Variants in PIK3CD observed in about 807,000 individuals in gnomAD.
The protein encoded by PIK3CD is phosphatidylinositol 4,5-bisphosphate 3-kinase catalytic subunit delta isoform.
In PIK3CD, 20 loss-of-function variants were observed where a neutral mutation model predicts 122.9. That is an observed-to-expected ratio of 0.16 (90% CI 0.11 to 0.24). The LOEUF (loss-of-function observed/expected upper bound fraction) is 0.24, where lower values mean the gene tolerates loss of function less well. Among genes scored for constraint, PIK3CD ranks in the 10% least tolerant of loss-of-function variants. The pLI, the probability that PIK3CD is intolerant of heterozygous loss-of-function variation, is 1.00. For synonymous variants in PIK3CD, 596 were observed against 593.4 expected, an observed-to-expected ratio of 1.00 and a Z score of -0.06; for missense variants, 787 against 1,406.3, an observed-to-expected ratio of 0.56 and a Z score of 7.04.
rs1644685618 is a variant in PIK3CD at position 9,651,987 on chromosome 1, G to A, written c.-138+185G>A. 2.6e-5 allele frequency among the ~76,000 whole-genome samples: 4 copies of A among 151,808 alleles called. No individual in the cohort carries two copies. In the South Asian group the frequency reaches 8.3e-4, roughly 31 times the overall value. ...TAGCGAGCCGGGTCCTGGGAGCCCC[G>A]GGGGCCGGGCTGCTGGGACCTGGGC... On this transcript the variant is annotated intron_variant, in intron 1 of 23. Transcript: ENST00000377346.
At chr1:9,676,065 G>T (rs1040864389) in intron 1 of PIK3CD, among the ~76,000 whole-genome samples, 1 of 151,576 alleles carries the variant, frequency 6.6e-6, no homozygotes, top group African/African-American at 2.4e-5. Context: ...CCGAATAGCT[G>T]GGATTGCAGG....
intron 1 of PIK3CD, among the ~76,000 whole-genome samples, chr1:9,660,428 C>CT (rs530924400): frequency 1.0e-3 from 154 of 152,246 alleles, no homozygotes; most frequent in Middle Eastern, 6.8e-3. Context: ...TTGTAGTTTG[C>CT]TTTTTTTCAC....
intron 1 of PIK3CD, among the ~76,000 whole-genome samples, chr1:9,688,810 AG>A (rs958746627): frequency 2.2e-4 from 34 of 152,134 alleles, no homozygotes; most frequent in African/African-American, 8.2e-4. Flanking sequence ...CCAGGGCAAC[AG>A]AGCAAGACCC....
the PIK3CD span, among the ~76,000 whole-genome samples, chr1:9,632,291 C>T: frequency 5.9e-5 from 9 of 152,296 alleles, no homozygotes; most frequent in East Asian, 1.4e-3. Flanking sequence ...GGATTGCAGG[C>T]GTGAGCCACC....
chr1:9,691,392 G>T, intron 1 of PIK3CD, 75 bp from the exon 2 acceptor site: 1 of 396,410 alleles, frequency 2.5e-6, no homozygotes, highest in South Asian at 1.3e-4. Context: ...CGTCCTGTAA[G>T]AGAATGCACA....
chr1:9,695,089 A>G (rs1001347720), intron 2 of PIK3CD, among the ~76,000 whole-genome samples: 12 of 152,202 alleles, frequency 7.9e-5, no homozygotes, highest in African/African-American at 2.9e-4. Context: ...AAAAAGGCAC[A>G]TTCATAAAAT....
In PIK3CD at chr1:9,717,447, C is replaced by T. The variant is rs910853473; in HGVS notation, c.931-90C>T. 3.0e-5 allele frequency: 38 copies of T among 1,272,368 alleles called. No individual in the cohort carries two copies. The highest frequency in any genetic ancestry group is 3.7e-5 in the Non-Finnish European group (32 of 871,502). The allele number at this position is 1,272,368 out of a possible 1,614,324, so 78.8% of individuals were successfully genotyped here. A position where few individuals can be genotyped will look rare whatever the true frequency, so the allele number is the denominator to read the frequency against. On this transcript the variant is annotated intron_variant, in intron 7 of 23. Transcript: ENST00000377346. The surrounding 1 kb of genome is among the most constrained non-coding windows in gnomAD (Gnocchi z 5.4). The stretch of plus-strand genomic sequence containing the variant: ...GCCGCAAACCTGTGACCCTCTCACC[C>T]GCCCCCAAGTGGTCACGGGCCTCAC...
At chr1:9,675,385 CAAAAAAAAAAAA>C (rs34447888) in intron 1 of PIK3CD, among the ~76,000 whole-genome samples, 2 of 59,502 alleles carry the variant, frequency 3.4e-5, no homozygotes, top group East Asian at 9.9e-4. Context: ...GACTCCGTCT[CAAAAAAAAAAAA>C]AAAAAAAAAA....
intron 2 of PIK3CD, among the ~76,000 whole-genome samples, chr1:9,695,843 C>CAA (rs1265700443): frequency 2.8e-3 from 194 of 69,506 alleles, no homozygotes; most frequent in African/African-American, 0.011. Context: ...GACTCAGTCT[C>CAA]AAAAAAAAAA....
chr1:9,667,264 A>G (rs1277920582), intron 1 of PIK3CD, among the ~76,000 whole-genome samples: 1 of 152,164 alleles, frequency 6.6e-6, no homozygotes, highest in Admixed American at 6.6e-5. Context: ...CCAGGAATTC[A>G]AGGTTGCCAA....
Position 9,721,773 on chromosome 1 carries a change from C to T in PIK3CD, c.1968C>T (p.His656=), listed in dbSNP as rs1262671738. ...CTTCACCTTCCAGCTCCGAGATGCA[C>T]GTGCCGTCGGTGGCCCTGCGCTTCG... is the stretch of plus-strand genomic sequence containing the variant. The part of the protein sequence containing the change: ...FLFWHLRSEM[H]VPSVALRFGL... Residue 656 remains histidine, a synonymous_variant, in exon 16 of 24, where the codon CAC becomes CAT. Transcript: ENST00000377346. 13 of 1,613,116 alleles carry T rather than the reference C, an allele frequency of 8.1e-6. No homozygotes were observed. The highest frequency in any genetic ancestry group is 1.3e-5 in the African/African-American group (1 of 74,932).
chr1:9,645,440 CTATTT>C, the PIK3CD span, among the ~76,000 whole-genome samples: 5 of 151,836 alleles, frequency 3.3e-5, no homozygotes, highest in African/African-American at 9.6e-5. Flanking sequence ...AGTGAAACTT[CTATTT>C]TATTTTATTT....
chr1:9,712,536 C>T lies in PIK3CD; in HGVS notation c.141+1940C>T, dbSNP rs532948479. Among the ~76,000 whole-genome samples the T allele has an allele frequency of 2.2e-3, 342 of 152,280 alleles. 1 individual carries two copies. The highest frequency in any genetic ancestry group is 7.9e-3 in the African/African-American group (330 of 41,564). ...CCTCAAGTGATCTGCCCACCTTGGC[C>T]TCCCTTAGTGCTGGGATTACAGCCG... is the stretch of plus-strand genomic sequence containing the variant. On this transcript the variant is annotated intron_variant, in intron 3 of 23. Transcript: ENST00000377346.
chr1:9,639,571 G>C, the PIK3CD span, among the ~76,000 whole-genome samples: 1 of 152,198 alleles, frequency 6.6e-6, no homozygotes, highest in Non-Finnish European at 1.5e-5. Context: ...GCCCCCAGAA[G>C]GGGAGGCTGA....
intron 1 of PIK3CD, among the ~76,000 whole-genome samples, chr1:9,655,524 C>T (rs1329860916): frequency 6.8e-6 from 1 of 147,912 alleles, no homozygotes; most frequent in Non-Finnish European, 1.5e-5. Context: ...TTCTCCCCTC[C>T]CTGAGGGCCA....
chr1:9,716,536 G>C lies in PIK3CD; in HGVS notation c.697G>C (p.Val233Leu). 14 of 1,609,508 alleles carry C rather than the reference G, an allele frequency of 8.7e-6. No homozygotes were observed. The highest frequency in any genetic ancestry group is 1.2e-5 in the Non-Finnish European group (14 of 1,179,262). ...GGCCACAGTGTTCCGGCAGCCGCTG[G>C]TGGAGCAGCCGGAAGACTACACGCT... Reference protein sequence around the residue: ...KKATVFRQPLVEQPEDYTLQV... With the variant: ...KKATVFRQPLLEQPEDYTLQV... The change falls in exon 6 of 24, where the codon GTG (valine) becomes CTG (leucine). Residue 233 changes from valine to leucine, a missense_variant. Coordinates refer to ENST00000377346, the MANE Select transcript of PIK3CD (RefSeq NM_005026.5).
chr1:9,656,896 T>C (rs1488248535), intron 1 of PIK3CD, among the ~76,000 whole-genome samples: 3 of 148,914 alleles, frequency 2.0e-5, no homozygotes, highest in Admixed American at 6.8e-5. Context: ...TGAGCTGAGA[T>C]TGTGCCACTG....
intron 1 of PIK3CD, among the ~76,000 whole-genome samples, chr1:9,671,005 G>C (rs542520997): frequency 6.6e-6 from 1 of 152,032 alleles, no homozygotes; most frequent in South Asian, 2.1e-4. Context: ...TGATCTGCCC[G>C]TCTCAACCTC....
chr1:9,715,688 C>G lies in PIK3CD; in HGVS notation c.289C>G (p.Pro97Ala). The change falls in exon 4 of 24, where the codon CCC becomes GCC. Residue 97 changes from proline to alanine, a missense_variant. This residue lies in a region of PIK3CD where 592 missense variants were observed against 920.6 expected (regional missense o/e 0.64). Transcript: ENST00000377346. The surrounding 1 kb of genome is among the most constrained non-coding windows in gnomAD (Gnocchi z 4.1). ...TCTGTGTGACGTGCAGCCCTTCCTG[C>G]CCGTCCTGCGCCTGGTGGCCCGTGA... ...RRLCDVQPFL[P>A]VLRLVAREGD... The G allele has an allele frequency of 1.2e-6, 2 of 1,613,710 alleles. No homozygotes were observed. The highest frequency in any genetic ancestry group is 3.3e-5 in the Admixed American group (2 of 60,036).
Sources: gnomAD v4.1 joint callset for allele counts (sites outside exome capture counted in the v4.1 genomes callset) on GRCh38, gnomAD v4.1.1 for gene constraint, gnomAD v4.1.1 regional missense constraint, Gnocchi (gnomAD v3.1) non-coding constraint, MANE v1.5 for transcripts, NCBI Gene and HGNC (gene_info 2026-07-23, HGNC 2026-07-21) for gene names.